RIN3: variants seen among roughly 807,000 people sequenced by gnomAD.
RIN3 encodes the protein RAB5 interacting protein 3.
Under a neutral mutation model 76.3 loss-of-function variants are expected in RIN3, and 54 were observed. That is an observed-to-expected ratio of 0.71 (90% CI 0.57 to 0.89). The LOEUF is 0.89. RIN3 is among the 40% of genes least tolerant of loss of function. RIN3 has a pLI of 0.00. For missense variants in RIN3, 1,256 were observed against 1,322.1 expected, an observed-to-expected ratio of 0.95 and a Z score of 0.78; for synonymous variants, 576 against 564.0, an observed-to-expected ratio of 1.02 and a Z score of -0.30.
At chr14:92,550,145 T>C (rs1469230814) in intron 1 of RIN3, among the ~76,000 whole-genome samples, 1 of 152,212 alleles carries the variant, frequency 6.6e-6, no homozygotes, top group Admixed American at 6.5e-5. Flanking sequence ...CTCTGGGCAC[T>C]TCCATCTTTG....
At chr14:92,662,137 A>T (rs920786691) in intron 7 of RIN3, among the ~76,000 whole-genome samples, 1 of 152,150 alleles carries the variant, frequency 6.6e-6, no homozygotes, top group East Asian at 1.9e-4. Flanking sequence ...CATGAGGCGG[A>T]GGGTTAAGAC....
Position 92,681,380 on chromosome 14 carries a change from C to T in RIN3, c.2468-3607C>T, listed in dbSNP as rs917181783. 2.0e-5 allele frequency among the ~76,000 whole-genome samples: 3 copies of T among 152,210 alleles called. No individual in the cohort carries two copies. Among genetic ancestry groups the T allele is most frequent in the Non-Finnish European group, 2.9e-5 (2 of 68,038 alleles). On this transcript the variant is annotated intron_variant, in intron 8 of 9. Coordinates refer to ENST00000216487, the MANE Select transcript of RIN3 (RefSeq NM_024832.5). This position sits in a 1 kb window ranked among gnomAD's most constrained non-coding sequence, Gnocchi z 4.7. ...GGCGTGGCTGCTCCCCTTTCACCTG[C>T]GAGGGTGAGACACCCCCAGAGCACC...
At chr14:92,539,326 A>G (rs1199741567) in intron 1 of RIN3, among the ~76,000 whole-genome samples, 2 of 152,352 alleles carry the variant, frequency 1.3e-5, no homozygotes, top group Non-Finnish European at 2.9e-5. Flanking sequence ...AATGGTGGAT[A>G]CTAACATCAC....
At chr14:92,649,780 G>T (rs997576766) in intron 5 of RIN3, among the ~76,000 whole-genome samples, 3 of 152,198 alleles carry the variant, frequency 2.0e-5, no homozygotes, top group South Asian at 2.1e-4. Context: ...TCACAGGAAA[G>T]GTTGTCATGC....
chr14:92,526,702 A>C (rs1040843479), intron 1 of RIN3, among the ~76,000 whole-genome samples: 3 of 152,066 alleles, frequency 2.0e-5, no homozygotes, highest in Non-Finnish European at 4.4e-5. Flanking sequence ...GCAGTGAGCC[A>C]AGATCGTGCC....
intron 1 of RIN3, among the ~76,000 whole-genome samples, chr14:92,547,584 T>C (rs1006942192): frequency 8.6e-5 from 13 of 151,720 alleles, no homozygotes; most frequent in African/African-American, 3.2e-4. Flanking sequence ...TTTGTAGAGA[T>C]AGTGTCTCAC....
chr14:92,591,257 T>A (rs1884967954), intron 3 of RIN3, among the ~76,000 whole-genome samples: 1 of 152,110 alleles, frequency 6.6e-6, no homozygotes, highest in South Asian at 2.1e-4. Flanking sequence ...CTGAGCATGA[T>A]AATATCTTGA....
At chr14:92,606,855 A>G (rs1322968583) in intron 3 of RIN3, among the ~76,000 whole-genome samples, 1 of 152,254 alleles carries the variant, frequency 6.6e-6, no homozygotes, top group Non-Finnish European at 1.5e-5. Flanking sequence ...TCTTAAACAT[A>G]CAGAATTGCC....
chr14:92,563,602 A>G (rs1897838540), intron 2 of RIN3, among the ~76,000 whole-genome samples: 1 of 150,488 alleles, frequency 6.6e-6, no homozygotes, highest in Non-Finnish European at 1.5e-5. Flanking sequence ...CTTGATTTAA[A>G]CCCACAACTG....
intron 7 of RIN3, among the ~76,000 whole-genome samples, chr14:92,671,732 CT>C (rs1187050594): frequency 6.6e-6 from 1 of 152,210 alleles, no homozygotes; most frequent in Non-Finnish European, 1.5e-5. Context: ...CTGGGCCATC[CT>C]TTGGCCAAAA....
chr14:92,655,379 AAAGG>A (rs1887631496), intron 6 of RIN3, among the ~76,000 whole-genome samples: 1 of 152,156 alleles, frequency 6.6e-6, no homozygotes, highest in African/African-American at 2.4e-5. Context: ...ACAGAGAGAC[AAAGG>A]GAGAGAGAGA....
At chr14:92,556,690 C>T (rs1897593391) in intron 2 of RIN3, among the ~76,000 whole-genome samples, 1 of 152,192 alleles carries the variant, frequency 6.6e-6, no homozygotes, top group Non-Finnish European at 1.5e-5. Context: ...TCACCTCCCA[C>T]ACACATTTTC....
intron 5 of RIN3, among the ~76,000 whole-genome samples, chr14:92,641,666 C>A (rs1436695906): frequency 3.3e-5 from 5 of 152,316 alleles, no homozygotes; most frequent in Non-Finnish European, 5.9e-5. Context: ...CTGGGCCTGG[C>A]AGCCACCACA....
chr14:92,578,059 G>T (rs1273081385), intron 3 of RIN3, among the ~76,000 whole-genome samples: 1 of 152,018 alleles, frequency 6.6e-6, no homozygotes, highest in African/African-American at 2.4e-5. Context: ...GGGCAACATA[G>T]AAAGACCCCC....
At position 92,662,708 on chromosome 14, in the gene RIN3, G is replaced by A. The variant is rs117807292; in HGVS notation, c.2335+3239G>A. On this transcript the variant is annotated intron_variant, in intron 7 of 9. Transcript: ENST00000216487. ...GGTTTTACAGACGCTGAGACATGATGAGGGAGACAGCTTTGCGCTGGAAGG... is the reference window on the plus strand; with the variant it reads ...GGTTTTACAGACGCTGAGACATGATAAGGGAGACAGCTTTGCGCTGGAAGG... Among the ~76,000 whole-genome samples, 439 of 152,346 alleles carry A rather than the reference G, an allele frequency of 2.9e-3. 11 individuals carry two copies. The South Asian group carries it at 0.042, about 15-fold the overall frequency.
At chr14:92,671,381 G>C (rs1364967675) in intron 7 of RIN3, among the ~76,000 whole-genome samples, 2 of 152,188 alleles carry the variant, frequency 1.3e-5, no homozygotes, top group Non-Finnish European at 2.9e-5. Flanking sequence ...CAGAGTTCAG[G>C]GAATGGGCCG....
At chr14:92,585,323 A>G (rs765259562) in intron 3 of RIN3, among the ~76,000 whole-genome samples, 6 of 152,126 alleles carry the variant, frequency 3.9e-5, no homozygotes, top group Non-Finnish European at 5.9e-5. Context: ...GAAAGGGTCA[A>G]ACTTAAGAGC....
intron 2 of RIN3, among the ~76,000 whole-genome samples, chr14:92,570,687 A>G (rs1898041523): frequency 6.6e-6 from 1 of 151,518 alleles, no homozygotes; most frequent in African/African-American, 2.4e-5. Context: ...TGACATTCAG[A>G]AAATGTGATT....
At chr14:92,629,684 C>G (rs151338541) in intron 4 of RIN3, among the ~76,000 whole-genome samples, 10 of 152,282 alleles carry the variant, frequency 6.6e-5, no homozygotes, top group African/African-American at 1.9e-4. Context: ...GTACCTGGCA[C>G]TGTGCTAAGG....
Sources: allele counts gnomAD v4.1 joint callset (sites outside exome capture counted in the v4.1 genomes callset), GRCh38; gene constraint gnomAD v4.1.1; non-coding constraint Gnocchi (gnomAD v3.1); transcripts MANE v1.5; gene names NCBI Gene and HGNC (gene_info 2026-07-23, HGNC 2026-07-21).